Variants in MPDZ observed in about 807,000 individuals in gnomAD.
MPDZ encodes multiple PDZ domain protein.
In MPDZ, 234 loss-of-function variants were observed where a neutral mutation model predicts 239.1. The ratio of observed to expected loss-of-function variants is 0.98; its 90% confidence interval spans 0.88 to 1.09. The LOEUF is 1.09. Ranked by LOEUF, MPDZ falls within the 50% of genes least tolerant of loss-of-function variation. The probability of loss-of-function intolerance (pLI) is 0.00; values close to 1 mark genes in which losing one functional copy is unlikely to be tolerated. For synonymous variants in MPDZ, 1,048 were observed against 881.3 expected (o/e 1.19, Z -3.35); for missense variants, 3,175 against 2,510.0 (o/e 1.26, Z -5.66).
At chr9:13,109,873 T>C (rs900290310) in intron 45 of MPDZ, 79 bp downstream of exon 45, 2 of 1,087,116 alleles carry the variant, frequency 1.8e-6, no homozygotes. Context: ...CCTAGAAACA[T>C]GGGACAGAGA....
At chr9:13,180,035 A>T (rs1249732393) in intron 19 of MPDZ, among the ~76,000 whole-genome samples, 1 of 152,120 alleles carries the variant, frequency 6.6e-6, no homozygotes, top group Non-Finnish European at 1.5e-5. Flanking sequence ...CCTACTAAGG[A>T]AAAAGGCAAC....
chr9:13,272,209 C>T (rs191917989), intron 1 of MPDZ, among the ~76,000 whole-genome samples: 5 of 152,254 alleles, frequency 3.3e-5, no homozygotes, highest in Non-Finnish European at 4.4e-5. Flanking sequence ...AACACTCCCT[C>T]CCACCTCCTT....
At chr9:13,252,190 T>G (rs1588127798) in intron 1 of MPDZ, among the ~76,000 whole-genome samples, 1 of 152,234 alleles carries the variant, frequency 6.6e-6, no homozygotes, top group Admixed American at 6.5e-5. Context: ...TTACTCTTAT[T>G]TACAAGGAGA....
At chr9:13,143,705 C>G (rs1478005979) in intron 26 of MPDZ, 141 bp from the exon 27 acceptor site, 1 of 682,254 alleles carries the variant, frequency 1.5e-6, no homozygotes, top group Non-Finnish European at 2.6e-6. Context: ...ATAGCAACAT[C>G]TTAAAACAGT....
Position 13,171,635 on chromosome 9 carries a change from G to C in MPDZ, c.3056-3071C>G, listed in dbSNP as rs191686018. 3.3e-5 allele frequency among the ~76,000 whole-genome samples: 5 copies of C among 152,156 alleles called. No individual in the cohort carries two copies. In the East Asian group the frequency reaches 7.7e-4, roughly 24 times the overall value. ...GCATCAAGATTAGAATTTTTCAAAG[G>C]TCACTATATGCACGTGTATATTTAT... is the stretch of plus-strand genomic sequence containing the variant. On this transcript the variant is annotated intron_variant, in intron 21 of 46. Transcript: ENST00000319217.
At chr9:13,203,276 C>A (rs1381142416) in intron 12 of MPDZ, among the ~76,000 whole-genome samples, 1 of 152,140 alleles carries the variant, frequency 6.6e-6, no homozygotes, top group Non-Finnish European at 1.5e-5. Flanking sequence ...ACAGGAGGGT[C>A]AGTTCAGAGT....
chr9:13,274,778 AAAG>A (rs1211986873), intron 1 of MPDZ, among the ~76,000 whole-genome samples: 1 of 152,216 alleles, frequency 6.6e-6, no homozygotes, highest in Admixed American at 6.5e-5. Flanking sequence ...AATGGAATTT[AAAG>A]AATAAATTCT....
At chr9:13,233,322 A>G (rs2136888476) in intron 3 of MPDZ, among the ~76,000 whole-genome samples, 1 of 152,320 alleles carries the variant, frequency 6.6e-6, no homozygotes, top group East Asian at 1.9e-4. Flanking sequence ...ATTCTAGAAT[A>G]TTCAAACAGA....
chr9:13,259,864 C>T (rs562580407), intron 1 of MPDZ, among the ~76,000 whole-genome samples: 23 of 152,168 alleles, frequency 1.5e-4, no homozygotes, highest in Admixed American at 2.0e-4. Flanking sequence ...GATGGAGTCT[C>T]ACTTTGTCAC....
At position 13,112,017 on chromosome 9, in the gene MPDZ, G is replaced by GACTC; in HGVS notation, c.5724+3_5724+6dup. 6.2e-7 allele frequency: 1 copy of GACTC among 1,612,870 alleles called. No individual in the cohort carries two copies. On this transcript the variant is annotated splice_region_variant and intron_variant, in intron 43 of 46. Transcript: ENST00000319217. Reference sequence around the variant, plus strand: ...CTAGGGCTTCTAGGGTTGATAGTACGACTCACTCTGAGTTTTTGGGTCTGT... The same window carrying GACTC: ...CTAGGGCTTCTAGGGTTGATAGTACGACTCACTCACTCTGAGTTTTTGGGTCTGT...
chr9:13,128,204 G>A (rs532150166), intron 32 of MPDZ, among the ~76,000 whole-genome samples: 35 of 152,242 alleles, frequency 2.3e-4, no homozygotes, highest in East Asian at 1.9e-3. Flanking sequence ...TAAAAGCATG[G>A]GCTAGACTTA....
chr9:13,258,903 T>G (rs575397352), intron 1 of MPDZ, among the ~76,000 whole-genome samples: 2 of 152,156 alleles, frequency 1.3e-5, no homozygotes, highest in Non-Finnish European at 2.9e-5. Context: ...AAATACTGAT[T>G]AATATTCTTG....
intron 26 of MPDZ, among the ~76,000 whole-genome samples, chr9:13,146,147 AC>A (rs1948405542): frequency 6.6e-6 from 1 of 152,064 alleles, no homozygotes; most frequent in African/African-American, 2.4e-5. Context: ...TTATTACCTA[AC>A]AATAAACAAC....
At chr9:13,136,284 A>G in intron 30 of MPDZ, 102 bp from the exon 31 acceptor site, 1 of 608,674 alleles carries the variant, frequency 1.6e-6, no homozygotes. Context: ...TTTAACCCCC[A>G]AAACCTGGAA....
At position 13,112,999 on chromosome 9, in the gene MPDZ, TCC is replaced by T. The variant is rs1358461936; in HGVS notation, c.5601+10_5601+11del. ...ACGCCAGGGTTTATATTGTTTTCTC[TCC>T]CCAAGTTACCTTTTTCATTTCGACT... On this transcript the variant is annotated intron_variant, in intron 42 of 46. Coordinates refer to ENST00000319217, the MANE Select transcript of MPDZ (RefSeq NM_001378778.1). 3.2e-6 allele frequency: 5 copies of T among 1,579,338 alleles called. No individual in the cohort carries two copies. In the Admixed American group the frequency reaches 9.1e-5, roughly 29 times the overall value.
intron 32 of MPDZ, 42 bp downstream of exon 32, chr9:13,133,782 A>C: frequency 7.3e-7 from 1 of 1,365,360 alleles, no homozygotes. Flanking sequence ...CACTGAGGTA[A>C]AGGAACTCAC....
rs773240499 is a variant in MPDZ at position 13,136,195 on chromosome 9, AAAC to A, written c.4293-16_4293-14del. The A allele has an allele frequency of 1.3e-6, 2 of 1,565,212 alleles. No individual in the cohort carries two copies. The highest frequency in any genetic ancestry group is 1.7e-5 in the Admixed American group (1 of 59,466). On this transcript the variant is annotated splice_polypyrimidine_tract_variant and intron_variant, in intron 30 of 46. Coordinates refer to ENST00000319217, the MANE Select transcript of MPDZ (RefSeq NM_001378778.1). ...TGCATCTTTATTTCTAAAAGCAAAA[AAAC>A]AACAACCTATTATAACATCATGGTA...
chr9:13,122,966 T>C (rs1944580293), intron 36 of MPDZ, among the ~76,000 whole-genome samples, 187 bp downstream of exon 36: 2 of 152,216 alleles, frequency 1.3e-5, no homozygotes, highest in African/African-American at 4.8e-5. Flanking sequence ...TCAATATTTA[T>C]TGGCTTACTC....
intron 10 of MPDZ, among the ~76,000 whole-genome samples, chr9:13,209,156 T>C (rs1564033475): frequency 6.6e-6 from 1 of 152,114 alleles, no homozygotes; most frequent in Non-Finnish European, 1.5e-5. Flanking sequence ...AATCAGATGG[T>C]ATATGTGGAT....
Sources: gnomAD v4.1 joint callset for allele counts (sites outside exome capture counted in the v4.1 genomes callset) on GRCh38, gnomAD v4.1.1 for gene constraint, MANE v1.5 for transcripts, NCBI Gene and HGNC (gene_info 2026-07-23, HGNC 2026-07-21) for gene names.